Variants in MICU3 observed in about 807,000 individuals in gnomAD.
The protein encoded by MICU3 is calcium uptake protein 3, mitochondrial.
Under a neutral mutation model 66.5 loss-of-function variants are expected in MICU3, and 62 were observed. The observed-to-expected ratio is 0.93, with a 90% confidence interval of 0.76 to 1.15. The LOEUF is 1.15. MICU3 is among the 50% of genes most tolerant of loss of function. MICU3 has a pLI of 0.00. For missense variants in MICU3, 779 were observed against 664.4 expected, an observed-to-expected ratio of 1.17 and a Z score of -1.90; for synonymous variants, 308 against 240.7, an observed-to-expected ratio of 1.28 and a Z score of -2.59.
Position 17,027,249 on chromosome 8 carries a change from C to T in MICU3, c.-31C>T, listed in dbSNP as rs372253445. On this transcript the variant is annotated 5_prime_UTR_variant, in exon 1 of 15. Transcript: ENST00000318063. ...GCCCCCGCCCCTCCGTTCTCTGCCC[C>T]CTCCCAGCTCTGGTGTGGGCGGCCT... 371 of 1,034,118 alleles carry T rather than the reference C, an allele frequency of 3.6e-4. No homozygotes were observed. The African/African-American group carries it at 6.0e-3, about 17-fold the overall frequency. The allele number at this position is 1,034,118 out of a possible 1,614,324, so 64.1% of individuals were successfully genotyped here.
At chr8:17,072,615 G>T (rs1196159285) in intron 3 of MICU3, among the ~76,000 whole-genome samples, 1 of 151,928 alleles carries the variant, frequency 6.6e-6, no homozygotes, top group African/African-American at 2.4e-5. Context: ...ACAGAAGAGG[G>T]TAAGTGTCTT....
In MICU3 at chr8:17,112,749, C is replaced by T. The variant is rs531605473; in HGVS notation, c.1258-1344C>T. 2.0e-5 allele frequency among the ~76,000 whole-genome samples: 3 copies of T among 152,296 alleles called. No individual in the cohort carries two copies. The East Asian group carries it at 5.8e-4, about 29-fold the overall frequency. ...TGTTTTCCCTTTATTTAAAAATATT[C>T]CATCCTCGTGTGTTTTACTCCTACT... On this transcript the variant is annotated intron_variant, in intron 11 of 14. Transcript: ENST00000318063.
rs1388456940 is a variant in MICU3 at position 17,098,463 on chromosome 8, T to G, written c.894T>G (p.Leu298=). 1 of 1,604,380 alleles carries G rather than the reference T, an allele frequency of 6.2e-7. No individual in the cohort carries two copies. The highest frequency in any genetic ancestry group is 1.3e-5 in the African/African-American group (1 of 74,598). Reference sequence around the variant, plus strand: ...GCTTCTTAAAACTTCTACAGGTACTTAAAACAGATGCTGAGGAACTTGTCT... The same window carrying G: ...GCTTCTTAAAACTTCTACAGGTACTGAAAACAGATGCTGAGGAACTTGTCT... ...YGYHSPTNSV[L]KTDAEELVSR... Residue 298 remains leucine (L), a synonymous_variant, in exon 9 of 15, where the codon CTT becomes CTG. Transcript: ENST00000318063.
intron 1 of MICU3, among the ~76,000 whole-genome samples, chr8:17,035,139 T>C (rs536705359): frequency 1.2e-3 from 190 of 152,222 alleles, no homozygotes; most frequent in Non-Finnish European, 6.3e-4. Context: ...TCTGCTCCTC[T>C]TTCACCTTTC....
intron 8 of MICU3, among the ~76,000 whole-genome samples, chr8:17,096,242 G>C (rs1046026201): frequency 2.0e-5 from 3 of 151,836 alleles, no homozygotes; most frequent in Non-Finnish European, 4.4e-5. Context: ...TTCTCTGTCA[G>C]CCTTTCCTTA....
chr8:17,136,864 C>G, the MICU3 span, among the ~76,000 whole-genome samples: 1 of 148,096 alleles, frequency 6.8e-6, no homozygotes, highest in African/African-American at 2.5e-5. Flanking sequence ...GAGACGGAGT[C>G]TCTCTCTGTT....
intron 7 of MICU3, among the ~76,000 whole-genome samples, chr8:17,087,341 A>T (rs1273331268): frequency 3.3e-5 from 5 of 152,068 alleles, no homozygotes; most frequent in African/African-American, 1.2e-4. Flanking sequence ...GCATGTAAAA[A>T]TTTAAAGGTG....
intron 3 of MICU3, among the ~76,000 whole-genome samples, chr8:17,074,274 T>A (rs1017142575): frequency 1.9e-4 from 29 of 152,146 alleles, no homozygotes; most frequent in African/African-American, 7.0e-4. Context: ...TATTGTGTTT[T>A]AAAAATTTGT....
At chr8:17,028,633 G>A (rs954540505) in intron 1 of MICU3, among the ~76,000 whole-genome samples, 1 of 152,214 alleles carries the variant, frequency 6.6e-6, no homozygotes, top group African/African-American at 2.4e-5. Context: ...GTGATCTGAT[G>A]TAAGTGCATC....
chr8:17,096,480 A>G (rs1800701414), intron 8 of MICU3, among the ~76,000 whole-genome samples: 1 of 152,004 alleles, frequency 6.6e-6, no homozygotes, highest in East Asian at 1.9e-4. Context: ...CAGAACAGTT[A>G]CATATATAGG....
chr8:17,076,810 C>T (rs981756402), intron 3 of MICU3, among the ~76,000 whole-genome samples: 3 of 152,166 alleles, frequency 2.0e-5, no homozygotes, highest in Non-Finnish European at 4.4e-5. Context: ...TTCTGCATTT[C>T]GCACAAGCTC....
chr8:17,098,497 T>C lies in MICU3; in HGVS notation c.928T>C (p.Tyr310His). The C allele has an allele frequency of 6.2e-7, 1 of 1,611,872 alleles. No individual in the cohort carries two copies. Among genetic ancestry groups the C allele is most frequent in the Non-Finnish European group, 8.5e-7 (1 of 1,178,388 alleles). Reference sequence around the variant, plus strand: ...TGCTGAGGAACTTGTCTCCAGAAGCTATTGGGATACACTGAGACGTAACAC... The same window carrying C: ...TGCTGAGGAACTTGTCTCCAGAAGCCATTGGGATACACTGAGACGTAACAC... ...TDAEELVSRS[Y>H]WDTLRRNTSQ... The change falls in exon 9 of 15, where the codon TAT becomes CAT. Residue 310 changes from tyrosine (Y) to histidine (H), a missense_variant. Transcript: ENST00000318063.
chr8:17,055,837 C>T (rs994561574), intron 1 of MICU3, among the ~76,000 whole-genome samples: 15 of 152,216 alleles, frequency 9.9e-5, no homozygotes, highest in African/African-American at 3.6e-4. Context: ...GGAAGTTAGC[C>T]TACCCTGTCT....
intron 1 of MICU3, among the ~76,000 whole-genome samples, chr8:17,056,413 C>T (rs1816938446): frequency 6.6e-6 from 1 of 152,184 alleles, no homozygotes; most frequent in Admixed American, 6.5e-5. Flanking sequence ...CTTGTTCCCT[C>T]CATTTGCTGC....
chr8:17,050,956 A>G (rs943382108), intron 1 of MICU3, among the ~76,000 whole-genome samples: 2 of 152,192 alleles, frequency 1.3e-5, no homozygotes, highest in African/African-American at 4.8e-5. Context: ...ATCACCTGGC[A>G]TTAGATTGGT....
chr8:17,040,976 G>T (rs1014019822), intron 1 of MICU3, among the ~76,000 whole-genome samples: 12 of 152,168 alleles, frequency 7.9e-5, no homozygotes, highest in Admixed American at 3.3e-4. Flanking sequence ...GGAATAATGG[G>T]CATGGATGAT....
At chr8:17,079,732 G>A (rs749280305) in intron 4 of MICU3, among the ~76,000 whole-genome samples, 5 of 151,858 alleles carry the variant, frequency 3.3e-5, no homozygotes, top group South Asian at 2.1e-4. Flanking sequence ...GGACTCAAAC[G>A]GTCCTCTTGC....
intron 1 of MICU3, among the ~76,000 whole-genome samples, chr8:17,037,296 A>C (rs10091830): frequency 0.039 from 5,932 of 152,294 alleles, 387 homozygotes; most frequent in African/African-American, 0.14. Context: ...GAGCTCCTCA[A>C]GTGCTGCCAA....
intron 1 of MICU3, among the ~76,000 whole-genome samples, chr8:17,037,776 C>G (rs1347877105): frequency 6.6e-6 from 1 of 152,174 alleles, no homozygotes; most frequent in Non-Finnish European, 1.5e-5. Context: ...GGGAGTGGGG[C>G]TGTACCCTGC....
Sources: gnomAD v4.1 joint callset for allele counts (sites outside exome capture counted in the v4.1 genomes callset) on GRCh38, gnomAD v4.1.1 for gene constraint, MANE v1.5 for transcripts, NCBI Gene and HGNC (gene_info 2026-07-23, HGNC 2026-07-21) for gene names.